The following SGCZ variants were observed in gnomAD, a reference collection of about 807,000 sequenced individuals.
The protein encoded by SGCZ is sarcoglycan zeta.
Under a neutral mutation model 41.3 loss-of-function variants are expected in SGCZ, and 40 were observed. The ratio of observed to expected loss-of-function variants is 0.97; its 90% CI spans 0.75 to 1.26. SGCZ has a LOEUF of 1.26. SGCZ is among the 50% of genes most tolerant of loss of function. The probability of loss-of-function intolerance (pLI) is 0.00; values close to 1 mark genes in which losing one functional copy is unlikely to be tolerated. For missense variants in SGCZ, 552 were observed against 369.8 expected, an observed-to-expected ratio of 1.49 and a Z score of -4.04; for synonymous variants, 206 against 137.5, an observed-to-expected ratio of 1.50 and a Z score of -3.49.
intron 1 of SGCZ, among the ~76,000 whole-genome samples, chr8:14,606,005 A>T (rs1356259893): frequency 6.6e-6 from 1 of 152,106 alleles, no homozygotes; most frequent in Non-Finnish European, 1.5e-5. Context: ...ATCATTCTGT[A>T]TACCTTTCTC....
intron 2 of SGCZ, among the ~76,000 whole-genome samples, chr8:14,423,216 G>T (rs1799683411): frequency 6.6e-6 from 1 of 151,872 alleles, no homozygotes; most frequent in Non-Finnish European, 1.5e-5. Flanking sequence ...AATGCTAAAT[G>T]ACGAGTTAAT....
At chr8:14,617,536 G>C (rs966186753) in intron 1 of SGCZ, among the ~76,000 whole-genome samples, 2 of 152,120 alleles carry the variant, frequency 1.3e-5, no homozygotes, top group East Asian at 3.9e-4. Context: ...CTTCAGAAAT[G>C]TATTTTGGCA....
At chr8:14,647,371 C>T (rs1858247) in intron 1 of SGCZ, among the ~76,000 whole-genome samples, 46,794 of 151,784 alleles carry the variant, frequency 0.31, 7,621 homozygotes, top group Non-Finnish European at 0.37. Flanking sequence ...AAAGGACATA[C>T]ATTAGTAAAA....
chr8:14,793,382 T>A (rs1801020445), intron 1 of SGCZ, among the ~76,000 whole-genome samples: 1 of 152,322 alleles, frequency 6.6e-6, no homozygotes, highest in African/African-American at 2.4e-5. Context: ...TGCACTAAGA[T>A]GGCACGTAGC....
rs538552252 is a variant in SGCZ, at chr8:15,206,435, C to G, written c.39+31150G>C. Among the ~76,000 whole-genome samples, 13 of 137,732 alleles carry G rather than the reference C, an allele frequency of 9.4e-5. No individual in the cohort carries two copies. In the South Asian group the frequency reaches 3.1e-3, roughly 33 times the overall value. The allele number at this position is 137,732 out of a possible 152,430, so 90.4% of individuals were successfully genotyped here. A position where few individuals can be genotyped will look rare whatever the true frequency, so the allele number is the denominator to read the frequency against. On this transcript the variant is annotated intron_variant, in intron 1 of 7. Coordinates refer to ENST00000382080, the MANE Select transcript of SGCZ (RefSeq NM_139167.4). ...AAAATAAAGATAGGAAGGTAGGCTG[C>G]TTTTACTCTGGGGAGTCTTTTTTTT...
intron 1 of SGCZ, among the ~76,000 whole-genome samples, chr8:15,064,534 CAAAAAAAAAAAAAAAAAA>C (rs199980199): frequency 0.53 from 70,875 of 132,678 alleles, 19,624 homozygotes; most frequent in Admixed American, 0.65. Context: ...CCAGGCCTCT[CAAAAAAAAAAAAAAAAAA>C]AAAAAAAAGT....
intron 1 of SGCZ, among the ~76,000 whole-genome samples, chr8:14,898,335 G>T (rs1225383732): frequency 6.6e-6 from 1 of 152,174 alleles, no homozygotes; most frequent in Non-Finnish European, 1.5e-5. Context: ...AATGTCAACA[G>T]CCTGTGCCAG....
chr8:15,196,639 T>TTTA (rs1159753134), intron 1 of SGCZ, among the ~76,000 whole-genome samples: 4 of 141,022 alleles, frequency 2.8e-5, no homozygotes, highest in Admixed American at 2.8e-4. Flanking sequence ...TATTTATTTA[T>TTTA]TTATTATTAT....
chr8:14,476,073 G>A (rs1269011652), intron 2 of SGCZ, among the ~76,000 whole-genome samples: 3 of 151,944 alleles, frequency 2.0e-5, no homozygotes, highest in Admixed American at 6.6e-5. Flanking sequence ...CCAAAGTATT[G>A]GGATTACTGG....
intron 1 of SGCZ, among the ~76,000 whole-genome samples, chr8:15,097,866 G>GTATATATATATA: frequency 1.5e-5 from 1 of 68,496 alleles, no homozygotes; most frequent in African/African-American, 5.9e-5. Flanking sequence ...ACGTGTGTGT[G>GTATATATATATA]TATATATATA....
At chr8:14,383,922 T>A (rs1465737423) in intron 2 of SGCZ, among the ~76,000 whole-genome samples, 5 of 107,520 alleles carry the variant, frequency 4.7e-5, no homozygotes, top group Non-Finnish European at 3.3e-5. Flanking sequence ...TGTTTTGAGA[T>A]TTTTTTTTTA....
intron 1 of SGCZ, among the ~76,000 whole-genome samples, chr8:14,920,882 C>T (rs1380801800): frequency 6.6e-6 from 1 of 152,062 alleles, no homozygotes; most frequent in African/African-American, 2.4e-5. Context: ...TGCTGGGCAC[C>T]GCATGCCTGA....
At chr8:14,281,775 T>C (rs905256517) in intron 3 of SGCZ, among the ~76,000 whole-genome samples, 1 of 152,078 alleles carries the variant, frequency 6.6e-6, no homozygotes, top group Non-Finnish European at 1.5e-5. Flanking sequence ...TTATATCTTA[T>C]TGTAATAAAT....
chr8:14,461,897 A>G (rs746244755), intron 2 of SGCZ, among the ~76,000 whole-genome samples: 1 of 152,070 alleles, frequency 6.6e-6, no homozygotes, highest in Non-Finnish European at 1.5e-5. Flanking sequence ...TGGACATAAC[A>G]TATTGATTTG....
At chr8:14,281,468 TA>T in intron 3 of SGCZ, among the ~76,000 whole-genome samples, 1 of 39,172 alleles carries the variant, frequency 2.6e-5, no homozygotes, top group South Asian at 1.3e-3. Context: ...TTTTATATCA[TA>T]GAACTTTGAG....
intron 1 of SGCZ, among the ~76,000 whole-genome samples, chr8:15,205,524 T>C (rs1801030350): frequency 6.6e-6 from 1 of 151,970 alleles, no homozygotes; most frequent in African/African-American, 2.4e-5. Flanking sequence ...TACTGAGAAT[T>C]AGAGAAATGC....
At chr8:14,942,583 T>G (rs1800312992) in intron 1 of SGCZ, among the ~76,000 whole-genome samples, 1 of 152,154 alleles carries the variant, frequency 6.6e-6, no homozygotes, top group Non-Finnish European at 1.5e-5. Context: ...AGGAAGACTG[T>G]TCATTGGAAA....
chr8:15,194,307 A>G (rs1028692032), intron 1 of SGCZ, among the ~76,000 whole-genome samples: 1 of 151,992 alleles, frequency 6.6e-6, no homozygotes, highest in African/African-American at 2.4e-5. Flanking sequence ...GGTTGTGCCT[A>G]TGTAAGTTTA....
At chr8:15,200,677 A>G (rs778685836) in intron 1 of SGCZ, among the ~76,000 whole-genome samples, 37 of 152,212 alleles carry the variant, frequency 2.4e-4, no homozygotes, top group Non-Finnish European at 4.4e-4. Context: ...CTGGGTGGTC[A>G]AGATCAAAAC....
Sources: allele counts gnomAD v4.1 joint callset (sites outside exome capture counted in the v4.1 genomes callset), GRCh38; gene constraint gnomAD v4.1.1; transcripts MANE v1.5; gene names NCBI Gene and HGNC (gene_info 2026-07-23, HGNC 2026-07-21).